The following INSL6 variants were observed in gnomAD, a reference collection of about 807,000 sequenced individuals.
The protein encoded by INSL6 is insulin-like peptide INSL6.
Under a neutral mutation model 9.4 loss-of-function variants are expected in INSL6, and 16 were observed. The observed-to-expected ratio is 1.70, with a 90% CI of 1.15 to 2.59. INSL6 has a LOEUF of 2.59. Ranked by LOEUF, INSL6 falls within the 30% of genes most tolerant of loss-of-function variation. INSL6 has a pLI of 0.00. For synonymous variants in INSL6, 154 were observed against 96.9 expected, an observed-to-expected ratio of 1.59 and a Z score of -3.46; for missense variants, 391 against 257.3, an observed-to-expected ratio of 1.52 and a Z score of -3.56.
chr9:5,025,537 C>A, the INSL6 span, among the ~76,000 whole-genome samples: 1 of 120,756 alleles, frequency 8.3e-6, no homozygotes, highest in Non-Finnish European at 1.7e-5. Flanking sequence ...GAGTTTGTTT[C>A]CTTTTTTTTT....
chr9:5,097,287 A>G, the INSL6 span: 2 of 152,058 alleles, frequency 1.3e-5, no homozygotes, highest in Non-Finnish European at 2.9e-5. Flanking sequence ...CACAATATTA[A>G]CTGACCGTAA....
the INSL6 span, among the ~76,000 whole-genome samples, chr9:5,086,264 G>A: frequency 6.6e-6 from 1 of 152,088 alleles, no homozygotes; most frequent in Non-Finnish European, 1.5e-5. Context: ...CTCCGCCTCT[G>A]GCCCGCGATC....
At chr9:5,049,502 C>T in the INSL6 span, among the ~76,000 whole-genome samples, 2 of 152,184 alleles carry the variant, frequency 1.3e-5, no homozygotes, top group African/African-American at 4.8e-5. Context: ...AGTTTCAAAT[C>T]TTCCATGAAA....
chr9:5,014,093 A>C, the INSL6 span, among the ~76,000 whole-genome samples: 1 of 151,316 alleles, frequency 6.6e-6, no homozygotes, highest in Non-Finnish European at 1.5e-5. Context: ...AAAATGTGAT[A>C]TTTGAGGTAC....
intron 2 of INSL6, among the ~76,000 whole-genome samples, chr9:5,147,633 G>C (rs1369952258): frequency 6.6e-6 from 1 of 151,246 alleles, no homozygotes; most frequent in Non-Finnish European, 1.5e-5. Flanking sequence ...AATTTGAATA[G>C]ACCATCTTCA....
chr9:5,145,742 T>A (rs1003088317), intron 2 of INSL6, among the ~76,000 whole-genome samples: 6 of 151,986 alleles, frequency 3.9e-5, no homozygotes, highest in South Asian at 4.1e-4. Flanking sequence ...CTCTGTTTGG[T>A]CTATTAATAC....
At chr9:5,033,650 T>A in the INSL6 span, among the ~76,000 whole-genome samples, 3 of 152,118 alleles carry the variant, frequency 2.0e-5, no homozygotes, top group East Asian at 1.9e-4. Flanking sequence ...AAGCTTCATA[T>A]GTGAAGGAGA....
At chr9:5,005,975 A>T in the INSL6 span, among the ~76,000 whole-genome samples, 57 of 152,032 alleles carry the variant, frequency 3.7e-4, no homozygotes, top group Non-Finnish European at 6.6e-4. Context: ...CTGGCGATGC[A>T]GGCTCTTTTT....
At chr9:5,111,202 C>G in the INSL6 span, 6 of 638,970 alleles carry the variant, frequency 9.4e-6, no homozygotes, top group African/African-American at 5.6e-5. Context: ...GGGACCGGGA[C>G]TCGGAGGCAA....
the INSL6 span, chr9:5,090,755 G>A: frequency 1.2e-6 from 2 of 1,603,666 alleles, no homozygotes; most frequent in Non-Finnish European, 1.7e-6. Flanking sequence ...GAGTATCTTG[G>A]TACAAAAAGG....
the INSL6 span, among the ~76,000 whole-genome samples, chr9:5,021,186 C>G: frequency 6.6e-6 from 1 of 152,166 alleles, no homozygotes; most frequent in Non-Finnish European, 1.5e-5. Context: ...CCTCTCCTTC[C>G]TTGCATTAGG....
the INSL6 span, chr9:5,070,138 A>G: frequency 1.1e-6 from 1 of 945,280 alleles, no homozygotes; most frequent in Non-Finnish European, 1.5e-6. Context: ...TGACATTGGA[A>G]TTATTTTGTT....
chr9:5,181,221 G>C (rs1287359221), intron 1 of INSL6, among the ~76,000 whole-genome samples: 2 of 152,140 alleles, frequency 1.3e-5, no homozygotes, highest in Non-Finnish European at 2.9e-5. Flanking sequence ...AAAGGTTGAA[G>C]ATTTAGGTTA....
At chr9:5,103,390 A>G in the INSL6 span, among the ~76,000 whole-genome samples, 1 of 152,072 alleles carries the variant, frequency 6.6e-6, no homozygotes, top group Non-Finnish European at 1.5e-5. Flanking sequence ...ATATATAGGT[A>G]CCCAATACAG....
At chr9:5,014,144 A>G in the INSL6 span, among the ~76,000 whole-genome samples, 34 of 148,084 alleles carry the variant, frequency 2.3e-4, no homozygotes, top group Non-Finnish European at 4.2e-4. Context: ...AAAATTTATT[A>G]TAACTTTTAT....
the INSL6 span, among the ~76,000 whole-genome samples, chr9:5,044,137 T>C: frequency 1.2e-3 from 177 of 152,390 alleles, 1 homozygote; most frequent in African/African-American, 3.9e-3. Context: ...TGTTAATTTC[T>C]ACATTTTTTG....
At chr9:5,096,459 C>T in the INSL6 span, among the ~76,000 whole-genome samples, 1 of 152,096 alleles carries the variant, frequency 6.6e-6, no homozygotes, top group African/African-American at 2.4e-5. Flanking sequence ...CAGCTAAATA[C>T]CCTAATCAAC....
At chr9:5,119,768 C>T (rs1227265817), downstream of INSL6, among the ~76,000 whole-genome samples, 1 of 151,898 alleles carries the variant, frequency 6.6e-6, no homozygotes, top group African/African-American at 2.4e-5. Flanking sequence ...CTTATTTTTC[C>T]TCATGATCAA....
chr9:5,181,588 C>T (rs1037505385), intron 1 of INSL6, among the ~76,000 whole-genome samples: 6 of 152,086 alleles, frequency 3.9e-5, no homozygotes, highest in South Asian at 2.1e-4. Context: ...ACCTCTAATA[C>T]ATAAGGCAAA....
Sources: allele counts gnomAD v4.1 joint callset (sites outside exome capture counted in the v4.1 genomes callset), GRCh38; gene constraint gnomAD v4.1.1; transcripts MANE v1.5; gene names NCBI Gene and HGNC (gene_info 2026-07-23, HGNC 2026-07-21).